The following EBF4 variants were observed in gnomAD, a reference collection of about 807,000 sequenced individuals.
The protein encoded by EBF4 is EBF transcription factor 4.
EBF4 carries 34 observed loss-of-function variants against 67.1 expected under a neutral mutation model. The observed-to-expected ratio is 0.51, with a 90% CI of 0.39 to 0.67. The LOEUF (loss-of-function observed/expected upper bound fraction) is 0.67. Ranked by LOEUF, EBF4 falls within the 30% of genes least tolerant of loss-of-function variation. EBF4 has a pLI of 0.00. For synonymous variants in EBF4, 387 were observed against 377.7 expected (o/e 1.02, Z -0.29); for missense variants, 837 against 873.3 (o/e 0.96, Z 0.52).
In EBF4 at chr20:2,693,724, T is replaced by A; in HGVS notation, c.79T>A (p.Ser27Thr). 2.2e-6 allele frequency: 3 copies of A among 1,395,202 alleles called. No homozygotes were observed. The highest frequency in any genetic ancestry group is 1.5e-5 in the African/African-American group (1 of 66,102). The allele number at this position is 1,395,202 out of a possible 1,614,324, so 86.4% of individuals were successfully genotyped here. A position where few individuals can be genotyped will look rare whatever the true frequency, so the allele number is the denominator to read the frequency against. Residue 27 changes from serine to threonine, a missense_variant, in exon 1 of 17, where the codon TCA becomes ACA. Physicochemically the swap from Ser to Thr is moderately conservative, Grantham distance 58. Around this residue, in one of 3 missense-constraint regions of EBF4, gnomAD observed 86 missense variants for 70.3 expected, o/e 1.22. Coordinates refer to ENST00000609451, the Ensembl canonical transcript of EBF4. The surrounding 1 kb of genome is among the most constrained non-coding windows in gnomAD (Gnocchi z 4.6). ...GCCGCTGCTGCCCGCCGGCCTGGGC[T>A]CAGTGCGCTCCTGGATGCAGGGCGC...
At chr20:2,749,621 T>C (rs781736284) in exon 9 of EBF4, 2 of 1,556,716 alleles carry the variant, frequency 1.3e-6, no homozygotes, top group Non-Finnish European at 1.7e-6. Flanking sequence ...GCCTCCCAGC[T>C]GCCACCCCCT....
chr20:2,710,855 A>G (rs1262251273), intron 6 of EBF4, among the ~76,000 whole-genome samples: 1 of 152,140 alleles, frequency 6.6e-6, no homozygotes. Context: ...AAAAATGGTG[A>G]CAGTGGCTGA....
chr20:2,722,308 A>G (rs190623898), intron 6 of EBF4, among the ~76,000 whole-genome samples: 8 of 151,636 alleles, frequency 5.3e-5, no homozygotes, highest in African/African-American at 9.7e-5. Context: ...CCAATGCCCT[A>G]TGAATTACGA....
chr20:2,710,101 T>C (rs1237718497), intron 6 of EBF4, among the ~76,000 whole-genome samples: 1 of 152,196 alleles, frequency 6.6e-6, no homozygotes, highest in Admixed American at 6.5e-5. Context: ...AGTCATAGAA[T>C]TGTCGAGGTG....
At chr20:2,720,296 C>T (rs2087663066) in intron 6 of EBF4, among the ~76,000 whole-genome samples, 1 of 152,164 alleles carries the variant, frequency 6.6e-6, no homozygotes, top group Non-Finnish European at 1.5e-5. Context: ...CAGGGTTTCA[C>T]TATGTTGGCC....
At chr20:2,728,413 G>A (rs1272332755) in intron 6 of EBF4, among the ~76,000 whole-genome samples, 1 of 152,102 alleles carries the variant, frequency 6.6e-6, no homozygotes, top group Non-Finnish European at 1.5e-5. Flanking sequence ...GGTGAGGATG[G>A]GTTTGGTAAA....
At chr20:2,752,314 C>T in intron 13 of EBF4, 43 bp from the exon 14 acceptor site, 2 of 1,201,406 alleles carry the variant, frequency 1.7e-6, no homozygotes, top group South Asian at 4.0e-5. Context: ...ACCGCCCCTC[C>T]CCGGCCGGCA....
intron 1 of EBF4, among the ~76,000 whole-genome samples, chr20:2,703,061 G>A (rs1254754732): frequency 6.6e-6 from 1 of 151,734 alleles, no homozygotes; most frequent in East Asian, 1.9e-4. Flanking sequence ...GAAAGCTGGA[G>A]CCCAGAAGTT....
Position 2,751,900 on chromosome 20 carries a change from C to T in EBF4, c.1108-22C>T. 9 of 1,549,358 alleles carry T rather than the reference C, an allele frequency of 5.8e-6. No individual in the cohort carries two copies. The highest frequency in any genetic ancestry group is 7.8e-6 in the Non-Finnish European group (9 of 1,146,778). ...CCCCAGGGGCTGCCCCTCCGTCCCG[C>T]TGTCTCTCCCCCTGTCCCCAGGAAG... On this transcript the variant is annotated intron_variant, in intron 11 of 16. Transcript: ENST00000609451. The surrounding 1 kb of genome is among the most constrained non-coding windows in gnomAD (Gnocchi z 5.2).
intron 6 of EBF4, among the ~76,000 whole-genome samples, chr20:2,726,005 C>G (rs981110235): frequency 5.3e-5 from 8 of 152,078 alleles, no homozygotes; most frequent in African/African-American, 1.9e-4. Flanking sequence ...TGCTATTATC[C>G]TAGAAGAGGA....
At chr20:2,715,898 G>A (rs1300147152) in intron 6 of EBF4, among the ~76,000 whole-genome samples, 1 of 151,926 alleles carries the variant, frequency 6.6e-6, no homozygotes, top group South Asian at 2.1e-4. Flanking sequence ...ACAGGCGCAC[G>A]CCATCACACC....
intron 6 of EBF4, 100 bp from the exon 7 acceptor site, chr20:2,748,449 G>A (rs2088086313): frequency 4.4e-6 from 5 of 1,128,602 alleles, no homozygotes; most frequent in African/African-American, 3.1e-5. Context: ...CAGGCAGAGG[G>A]GACTCATCCT....
At chr20:2,725,346 C>T (rs946185277) in intron 6 of EBF4, among the ~76,000 whole-genome samples, 1 of 151,844 alleles carries the variant, frequency 6.6e-6, no homozygotes, top group African/African-American at 2.4e-5. Context: ...TTAATTTATC[C>T]CATGAGTTTT....
rs1055461657 is a variant in EBF4, at chr20:2,751,398, C to T, written c.1019-302C>T. ...TAGGACTATAACTCATATGTGTATA[C>T]GGTTTCCCTTTTTTCTAATCACAAA... On this transcript the variant is annotated intron_variant, in intron 10 of 16. Transcript: ENST00000609451. The surrounding 1 kb of genome is among the most constrained non-coding windows in gnomAD (Gnocchi z 5.2). Among the ~76,000 whole-genome samples the T allele has an allele frequency of 7.2e-5, 11 of 152,224 alleles. No homozygotes were observed. The highest frequency in any genetic ancestry group is 2.9e-5 in the Non-Finnish European group (2 of 68,040).
intron 13 of EBF4, 21 bp from the exon 14 acceptor site, chr20:2,752,336 C>T: frequency 5.8e-6 from 7 of 1,199,356 alleles, no homozygotes; most frequent in Non-Finnish European, 7.2e-6. Context: ...CGCCCCCTGA[C>T]GGCCGCGCTC....
rs768733493 is a variant in EBF4, at chr20:2,755,894, C to T, written c.1738+70C>T. 8.6e-6 allele frequency: 12 copies of T among 1,392,988 alleles called. No individual in the cohort carries two copies. Among genetic ancestry groups the T allele is most frequent in the East Asian group, 5.0e-5 (2 of 40,156 alleles). The allele number at this position is 1,392,988 out of a possible 1,614,324, so 86.3% of individuals were successfully genotyped here. On this transcript the variant is annotated intron_variant, in intron 15 of 16. Coordinates refer to ENST00000609451, the Ensembl canonical transcript of EBF4. The surrounding 1 kb of genome is among the most constrained non-coding windows in gnomAD (Gnocchi z 4.7). ...TTGTGGAGCAGCTGGGCTACAGGGG[C>T]CTGCTCTGTCCACATCTCACCAGTG...
chr20:2,737,194 G>A (rs528674308), intron 6 of EBF4, among the ~76,000 whole-genome samples: 1 of 149,924 alleles, frequency 6.7e-6, no homozygotes, highest in Admixed American at 6.7e-5. Context: ...AGCTTGCAGT[G>A]AGCCGAGATC....
chr20:2,749,887 G>A (rs1460838890), exon 10 of EBF4: 1 of 1,551,456 alleles, frequency 6.4e-7, no homozygotes, highest in Non-Finnish European at 8.7e-7. Context: ...ACGCCCCCGC[G>A]GCACATCCCC....
intron 5 of EBF4, 96 bp from the exon 6 acceptor site, chr20:2,709,478 C>T: frequency 8.4e-7 from 1 of 1,185,396 alleles, no homozygotes; most frequent in East Asian, 2.8e-5. Context: ...AGGACATCAG[C>T]ACCCTCAGCT....
Sources: gnomAD v4.1 joint callset for allele counts (sites outside exome capture counted in the v4.1 genomes callset) on GRCh38, gnomAD v4.1.1 for gene constraint, gnomAD v4.1.1 regional missense constraint, Gnocchi (gnomAD v3.1) non-coding constraint, MANE v1.5 for transcripts, NCBI Gene and HGNC (gene_info 2026-07-23, HGNC 2026-07-21) for gene names.